The following TNRC18 variants were observed in gnomAD, a reference collection of about 807,000 sequenced individuals.
The protein encoded by TNRC18 is trinucleotide repeat-containing gene 18 protein.
Under a neutral mutation model 226.7 loss-of-function variants are expected in TNRC18, and 69 were observed. The observed-to-expected ratio is 0.30, with a 90% CI of 0.25 to 0.37. The LOEUF is 0.37. TNRC18 is among the 10% of genes least tolerant of loss of function. TNRC18 has a pLI of 1.00. For synonymous variants in TNRC18, 2,449 were observed against 1,927.6 expected (o/e 1.27, Z -7.09); for missense variants, 4,754 against 4,256.6 (o/e 1.12, Z -3.25).
At chr7:5,422,496 G>A (rs926644991) in intron 1 of TNRC18, among the ~76,000 whole-genome samples, 1 of 152,188 alleles carries the variant, frequency 6.6e-6, no homozygotes, top group Non-Finnish European at 1.5e-5. Context: ...GATGGGAGGG[G>A]GTCTTGGAGC....
rs1283223580 is a variant in TNRC18 at position 5,345,608 on chromosome 7, C to T, written c.5673G>A (p.Glu1891=). ...CTTTCTTCCGGGCCTTCTGCTTGGC[C>T]TCCAGCTGTACCACAGACAGGGATG... ...VGPSLSVVQL[E]AKQKARKKEE... Residue 1891 remains glutamate, a synonymous_variant, in exon 18 of 30, where the codon GAG becomes GAA. Coordinates refer to ENST00000430969, the MANE Select transcript of TNRC18 (RefSeq NM_001080495.3). 29 of 1,459,298 alleles carry T rather than the reference C, an allele frequency of 2.0e-5. No individual in the cohort carries two copies. Among genetic ancestry groups the T allele is most frequent in the Non-Finnish European group, 2.6e-5 (28 of 1,089,594 alleles). 90.4% of individuals were successfully genotyped at this position (1,459,298 alleles called of 1,614,324 possible).
intron 2 of TNRC18, among the ~76,000 whole-genome samples, chr7:5,419,395 T>C (rs752857782): frequency 2.6e-5 from 4 of 152,022 alleles, no homozygotes; most frequent in Admixed American, 6.5e-5. Context: ...GGGTACCGAT[T>C]CCCAGGCTTG....
At position 5,330,402 on chromosome 7, in the gene TNRC18, G is replaced by T. The variant is rs1468634495; in HGVS notation, c.6147+2220C>A. Among the ~76,000 whole-genome samples, 68 of 144,744 alleles carry T rather than the reference G, an allele frequency of 4.7e-4. No homozygotes were observed. The East Asian group carries it at 0.013, about 27-fold the overall frequency. The allele number at this position is 144,744 out of a possible 152,430, so 95.0% of individuals were successfully genotyped here. A position where few individuals can be genotyped will look rare whatever the true frequency, so the allele number is the denominator to read the frequency against. On this transcript the variant is annotated intron_variant, in intron 19 of 29. Coordinates refer to ENST00000430969, the MANE Select transcript of TNRC18 (RefSeq NM_001080495.3). Reference sequence around the variant, plus strand: ...TGATCACCACCACTCCCAGCTAATTGTTTTTTTGTTGTTTTTTTTTTTTGG... The same window carrying T: ...TGATCACCACCACTCCCAGCTAATTTTTTTTTTGTTGTTTTTTTTTTTTGG...
chr7:5,351,661 C>T (rs1238847593), intron 17 of TNRC18, 158 bp downstream of exon 17: 4 of 746,590 alleles, frequency 5.4e-6, no homozygotes, highest in Admixed American at 6.1e-5. Context: ...CAGCAGGCTA[C>T]GCTGCCAAGA....
chr7:5,352,191 G>A (rs1791901607), intron 16 of TNRC18, 97 bp from the exon 17 acceptor site: 5 of 1,322,510 alleles, frequency 3.8e-6, no homozygotes, highest in African/African-American at 3.0e-5. Flanking sequence ...GTACTGGAAG[G>A]TGCCAGAACA....
rs139979240 is a variant in TNRC18, at chr7:5,418,541, A to C, written c.187+2519T>G. Among the ~76,000 whole-genome samples the C allele has an allele frequency of 8.3e-4, 126 of 152,282 alleles. 1 individual carries two copies. In the East Asian group the frequency reaches 0.019, roughly 23 times the overall value. ...CCCTCGGCCTAGGAGGGGCTTTATA[A>C]GCCCTGACAGCGCTCATCCACGTCC... On this transcript the variant is annotated intron_variant, in intron 2 of 29. Transcript: ENST00000430969.
At chr7:5,422,311 C>G (rs1386063729) in intron 1 of TNRC18, among the ~76,000 whole-genome samples, 2 of 152,128 alleles carry the variant, frequency 1.3e-5, no homozygotes, top group East Asian at 3.9e-4. Context: ...GATCAAGGGT[C>G]TCGCTCCTAC....
Position 5,321,885 on chromosome 7 carries a change from T to A in TNRC18, c.6443-695A>T, listed in dbSNP as rs1012418341. The stretch of plus-strand genomic sequence containing the variant: ...CGGGGTTCCACCATGTTGGCCAGGC[T>A]GATCCCGAGCCCCTGACCTCCGGTG... On this transcript the variant is annotated intron_variant, in intron 21 of 29. Coordinates refer to ENST00000430969, the MANE Select transcript of TNRC18 (RefSeq NM_001080495.3). Among the ~76,000 whole-genome samples the A allele has an allele frequency of 3.3e-5, 5 of 152,018 alleles. No individual in the cohort carries two copies. The East Asian group carries it at 9.9e-4, about 30-fold the overall frequency.
chr7:5,356,523 A>T (rs2128153627), intron 16 of TNRC18, among the ~76,000 whole-genome samples: 1 of 152,344 alleles, frequency 6.6e-6, no homozygotes, highest in Middle Eastern at 3.4e-3. Flanking sequence ...GACCCTCAAG[A>T]GCAGTCGCGC....
chr7:5,344,378 C>T (rs1040897773), intron 18 of TNRC18, among the ~76,000 whole-genome samples: 4 of 152,110 alleles, frequency 2.6e-5, no homozygotes, highest in African/African-American at 9.7e-5. Context: ...TGAACAATAC[C>T]TAAGAATAGG....
chr7:5,319,002 C>T (rs745909844), intron 24 of TNRC18, among the ~76,000 whole-genome samples: 5 of 152,126 alleles, frequency 3.3e-5, no homozygotes, highest in Admixed American at 6.5e-5. Context: ...GCAACAAAAG[C>T]GGTTCCCAGG....
rs556301864 is a variant in TNRC18 at position 5,337,111 on chromosome 7, C to T, written c.5720-4062G>A. 1.1e-4 allele frequency among the ~76,000 whole-genome samples: 17 copies of T among 152,220 alleles called. 1 individual carries two copies. Among genetic ancestry groups the T allele is most frequent in the South Asian group, 8.3e-4 (4 of 4,820 alleles). On this transcript the variant is annotated intron_variant, in intron 18 of 29. Coordinates refer to ENST00000430969, the MANE Select transcript of TNRC18 (RefSeq NM_001080495.3). The stretch of plus-strand genomic sequence containing the variant: ...GTCAAACGGCTGACAAAGATAAACA[C>T]GAACCCCCAGGAACAACAAGAAAAA...
At chr7:5,366,460 A>T (rs1294501949) in intron 11 of TNRC18, among the ~76,000 whole-genome samples, 1 of 150,030 alleles carries the variant, frequency 6.7e-6, no homozygotes, top group Non-Finnish European at 1.5e-5. Context: ...AGTAGCTGGG[A>T]CTACAGGTAT....
intron 14 of TNRC18, among the ~76,000 whole-genome samples, chr7:5,360,963 T>C (rs1239249177): frequency 6.6e-6 from 1 of 151,722 alleles, no homozygotes; most frequent in Non-Finnish European, 1.5e-5. Flanking sequence ...CTCCCAACAC[T>C]CCAACCCCTT....
intron 18 of TNRC18, 45 bp downstream of exon 18, chr7:5,345,517 G>GGGGGGGGGGGCCCCCCCCCCCCCCCCCCC: frequency 8.5e-5 from 32 of 377,672 alleles, no homozygotes; most frequent in East Asian, 1.4e-4. Context: ...AATGGCGTCC[G>GGGGGGGGGGGCCCCCCCCCCCCCCCCCCC]CCCCTCCCAC....
At chr7:5,359,930 G>T (rs1431238995) in intron 14 of TNRC18, among the ~76,000 whole-genome samples, 3 of 152,104 alleles carry the variant, frequency 2.0e-5, no homozygotes. Context: ...GGATGGCAGG[G>T]GGAGTTCAGA....
intron 3 of TNRC18, 129 bp from the exon 4 acceptor site, chr7:5,390,757 C>A: frequency 1.0e-5 from 11 of 1,075,496 alleles, no homozygotes; most frequent in Non-Finnish European, 1.3e-5. Flanking sequence ...GGTTTAACAG[C>A]AGCTCCTCAG....
intron 17 of TNRC18, among the ~76,000 whole-genome samples, chr7:5,346,868 G>C (rs1283751597): frequency 6.6e-6 from 1 of 152,194 alleles, no homozygotes; most frequent in Non-Finnish European, 1.5e-5. Flanking sequence ...AACAGAAACA[G>C]GGCCACCCCC....
At chr7:5,417,350 G>A (rs1584131662) in intron 2 of TNRC18, among the ~76,000 whole-genome samples, 1 of 152,080 alleles carries the variant, frequency 6.6e-6, no homozygotes, top group Non-Finnish European at 1.5e-5. Context: ...CATGCCTGTA[G>A]CTCTAGCTAC....
Sources: gnomAD v4.1 joint callset for allele counts (sites outside exome capture counted in the v4.1 genomes callset) on GRCh38, gnomAD v4.1.1 for gene constraint, MANE v1.5 for transcripts, NCBI Gene and HGNC (gene_info 2026-07-23, HGNC 2026-07-21) for gene names.